EPM2A: variants seen among roughly 807,000 people sequenced by gnomAD.
EPM2A encodes laforin.
EPM2A carries 21 observed loss-of-function variants against 26.5 expected under a neutral mutation model. The ratio of observed to expected loss-of-function variants is 0.79; its 90% CI spans 0.56 to 1.14. The LOEUF (loss-of-function observed/expected upper bound fraction) is 1.14. EPM2A is among the 50% of genes most tolerant of loss of function. The pLI, the probability that EPM2A is intolerant of heterozygous loss-of-function variation, is 0.00. For synonymous variants in EPM2A, 217 were observed against 177.6 expected, an observed-to-expected ratio of 1.22 and a Z score of -1.76; for missense variants, 458 against 440.8, an observed-to-expected ratio of 1.04 and a Z score of -0.35.
At chr6:145,591,175 A>C (rs9403733) in intron 2 of EPM2A, among the ~76,000 whole-genome samples, 54,070 of 151,878 alleles carry the variant, frequency 0.36, 10,121 homozygotes, top group South Asian at 0.51. Flanking sequence ...GATTAAAAGA[A>C]TAAAAAAAGA....
chr6:145,504,236 T>G (rs1779937246), intron 2 of EPM2A, among the ~76,000 whole-genome samples: 1 of 119,846 alleles, frequency 8.3e-6, no homozygotes, highest in South Asian at 3.6e-4. Context: ...AAGCCAAAAT[T>G]GACAAATGGG....
intron 2 of EPM2A, among the ~76,000 whole-genome samples, chr6:145,643,137 G>C (rs1018110379): frequency 5.9e-5 from 9 of 152,166 alleles, no homozygotes; most frequent in Non-Finnish European, 1.3e-4. Flanking sequence ...TTAATTGGAT[G>C]CAATAGTTGA....
chr6:145,634,511 T>C (rs1011163112), intron 3 of EPM2A: 1 of 152,522 alleles, frequency 6.6e-6, no homozygotes, highest in Non-Finnish European at 1.5e-5. Context: ...CTCTTACCCA[T>C]TCCCCTCTGT....
chr6:145,695,345 C>A (rs1367161350), intron 1 of EPM2A, among the ~76,000 whole-genome samples: 1 of 151,766 alleles, frequency 6.6e-6, no homozygotes, highest in East Asian at 1.9e-4. Flanking sequence ...CTACAGAAGA[C>A]AATCAAACCA....
chr6:145,398,510 C>G (rs1204770920), intron 4 of EPM2A, among the ~76,000 whole-genome samples: 1 of 151,992 alleles, frequency 6.6e-6, no homozygotes, highest in Non-Finnish European at 1.5e-5. Context: ...CCGCTGGAGA[C>G]AATTTAACAA....
At chr6:145,538,259 C>CTT (rs201319308) in intron 2 of EPM2A, among the ~76,000 whole-genome samples, 39 of 146,000 alleles carry the variant, frequency 2.7e-4, no homozygotes, top group Admixed American at 4.8e-4. Flanking sequence ...CAGAAGAGGC[C>CTT]TTTTTTTTTT....
rs778250304 is a variant in EPM2A at position 145,627,603 on chromosome 6, A to G, written c.809T>C (p.Val270Ala). Residue 270 changes from valine (V) to alanine (A), a missense_variant, in exon 4 of 4, where the codon GTG becomes GCG. Coordinates refer to ENST00000367519, the MANE Select transcript of EPM2A (RefSeq NM_005670.4). ...HIVYVHCNAG[V>A]GRSTAAVCGW... ...GCAGACAGCCGCGGTGGAGCGGCCCACCCCAGCGTTGCAGTGCACGTACAC... is the reference window on the plus strand; with the variant it reads ...GCAGACAGCCGCGGTGGAGCGGCCCGCCCCAGCGTTGCAGTGCACGTACAC... The G allele has an allele frequency of 1.2e-6, 2 of 1,614,068 alleles. No individual in the cohort carries two copies. Among genetic ancestry groups the G allele is most frequent in the Non-Finnish European group, 1.7e-6 (2 of 1,180,040 alleles).
At chr6:145,555,078 A>T (rs1780710358) in intron 2 of EPM2A, among the ~76,000 whole-genome samples, 1 of 152,086 alleles carries the variant, frequency 6.6e-6, no homozygotes, top group Non-Finnish European at 1.5e-5. Flanking sequence ...TGACACATAA[A>T]ATTAATGATC....
rs188034809 is a variant in EPM2A, at chr6:145,441,461, G to A, written c.556-57364C>T. Reference sequence around the variant, plus strand: ...TAACATTTGACTCCTCATTACTTATGCAAATTCCTGCAGCCTGCTTGAATT... The same window carrying A: ...TAACATTTGACTCCTCATTACTTATACAAATTCCTGCAGCCTGCTTGAATT... On this transcript the variant is annotated intron_variant, in intron 4 of 4. Transcript: ENST00000638717. Among the ~76,000 whole-genome samples the A allele has an allele frequency of 1.7e-3, 252 of 152,250 alleles. 1 individual carries two copies. The highest frequency in any genetic ancestry group is 5.7e-3 in the African/African-American group (237 of 41,534).
intron 1 of EPM2A, among the ~76,000 whole-genome samples, chr6:145,700,551 C>A (rs542905780): frequency 1.2e-4 from 19 of 152,082 alleles, no homozygotes; most frequent in Non-Finnish European, 2.4e-4. Context: ...AAAGCCCACA[C>A]ACACAAAAAA....
chr6:145,693,735 C>T (rs1365341015), intron 1 of EPM2A, among the ~76,000 whole-genome samples: 5 of 152,016 alleles, frequency 3.3e-5, no homozygotes, highest in South Asian at 2.1e-4. Context: ...ACATATAAAT[C>T]GCTCACTATG....
At chr6:145,578,345 A>G (rs1781063518) in intron 2 of EPM2A, among the ~76,000 whole-genome samples, 1 of 152,176 alleles carries the variant, frequency 6.6e-6, no homozygotes, top group South Asian at 2.1e-4. Flanking sequence ...AAAACTAGAG[A>G]TGAAAAAGGA....
rs989408310 is a variant in EPM2A, at chr6:145,700,242, T to C, written c.302-13946A>G. Among the ~76,000 whole-genome samples, 5 of 152,184 alleles carry C rather than the reference T, an allele frequency of 3.3e-5. No individual in the cohort carries two copies. The South Asian group carries it at 1.0e-3, about 31-fold the overall frequency. On this transcript the variant is annotated intron_variant, in intron 1 of 3. Coordinates refer to ENST00000367519, the MANE Select transcript of EPM2A (RefSeq NM_005670.4). ...TCTATGTCACATGCAGAGATGTTTA[T>C]TTTTGTGTTTAATAAATTTTGATTT...
At chr6:145,400,422 A>C (rs1263299461) in intron 4 of EPM2A, among the ~76,000 whole-genome samples, 1 of 152,186 alleles carries the variant, frequency 6.6e-6, no homozygotes, top group South Asian at 2.1e-4. Context: ...TAAGAGTTAA[A>C]CAGAAACCAG....
At chr6:145,701,945 T>C (rs113480271) in intron 1 of EPM2A, among the ~76,000 whole-genome samples, 5 of 152,272 alleles carry the variant, frequency 3.3e-5, no homozygotes, top group African/African-American at 1.2e-4. Context: ...AGAGTACCAG[T>C]TATTTGTCTA....
chr6:145,610,392 C>T (rs1775368177), intron 2 of EPM2A, among the ~76,000 whole-genome samples: 1 of 152,210 alleles, frequency 6.6e-6, no homozygotes, highest in Admixed American at 6.5e-5. Context: ...ATGAATCTTA[C>T]TTCTGCCCTC....
chr6:145,682,474 T>G (rs1295028365), intron 2 of EPM2A: 1 of 152,188 alleles, frequency 6.6e-6, no homozygotes. Context: ...AAGTTCTACG[T>G]CCTCATAAAG....
At chr6:145,657,473 C>T (rs997719801) in intron 2 of EPM2A, among the ~76,000 whole-genome samples, 1 of 152,140 alleles carries the variant, frequency 6.6e-6, no homozygotes, top group African/African-American at 2.4e-5. Flanking sequence ...AAAGGTTCTT[C>T]TTCCTATTTA....
intron 4 of EPM2A, among the ~76,000 whole-genome samples, chr6:145,435,427 A>G (rs1778977210): frequency 6.7e-6 from 1 of 149,392 alleles, no homozygotes; most frequent in African/African-American, 2.4e-5. Flanking sequence ...ATATATATAT[A>G]TATATGTTTT....
Sources: gnomAD v4.1 joint callset for allele counts (sites outside exome capture counted in the v4.1 genomes callset) on GRCh38, gnomAD v4.1.1 for gene constraint, MANE v1.5 for transcripts, NCBI Gene and HGNC (gene_info 2026-07-23, HGNC 2026-07-21) for gene names.